The following ITIH5 variants were observed in gnomAD, a reference collection of about 807,000 sequenced individuals.
ITIH5 encodes the protein inter-alpha-trypsin inhibitor heavy chain H5.
A neutral mutation model predicts 77.5 loss-of-function variants in ITIH5; 65 were observed. The ratio of observed to expected loss-of-function variants is 0.84; its 90% CI spans 0.69 to 1.03. The LOEUF (loss-of-function observed/expected upper bound fraction) is 1.03, where lower values mean the gene tolerates loss of function less well. Ranked by LOEUF, ITIH5 falls within the 50% of genes least tolerant of loss-of-function variation. ITIH5 has a pLI of 0.00. For synonymous variants in ITIH5, 525 were observed against 494.3 expected (o/e 1.06, Z -0.82); for missense variants, 1,208 against 1,213.1 (o/e 1.00, Z 0.06).
At chr10:7,603,271 T>A (rs1833052219) in intron 7 of ITIH5, among the ~76,000 whole-genome samples, 1 of 152,194 alleles carries the variant, frequency 6.6e-6, no homozygotes, top group Non-Finnish European at 1.5e-5. Context: ...GGAGGTATCA[T>A]GCTACCTGAA....
chr10:7,616,020 C>A lies in ITIH5; in HGVS notation c.901G>T (p.Asp301Tyr). The A allele has an allele frequency of 6.2e-7, 1 of 1,613,396 alleles. No individual in the cohort carries two copies. Among genetic ancestry groups the A allele is most frequent in the South Asian group, 1.1e-5 (1 of 91,014 alleles). ...GTTCCCACCATAGAAGCACTGCTGT[C>A]AAGCACGAATACCACATTCTTGGGT... Reference protein sequence around the residue: ...PLPKNVVFVLDSSASMVGTKL... With the variant: ...PLPKNVVFVLYSSASMVGTKL... The change falls in exon 7 of 14, where the codon GAC becomes TAC. Residue 301 changes from aspartate (D) to tyrosine (Y), a missense_variant. Transcript: ENST00000397146.
At chr10:7,597,044 CAAAAAAAA>C (rs71383924) in intron 7 of ITIH5, among the ~76,000 whole-genome samples, 1 of 36,920 alleles carries the variant, frequency 2.7e-5, no homozygotes. Context: ...GTCTCCAACT[CAAAAAAAA>C]AAAAAAAAAA....
At chr10:7,584,658 C>T (rs1181005585) in intron 8 of ITIH5, among the ~76,000 whole-genome samples, 1 of 152,166 alleles carries the variant, frequency 6.6e-6, no homozygotes, top group South Asian at 2.1e-4. Context: ...CACCAGCACA[C>T]ACACATCATT....
In ITIH5 at chr10:7,566,142, G is replaced by C; in HGVS notation, c.2415C>G (p.Ala805=). The change falls in exon 13 of 14, where the codon GCC becomes GCG. Residue 805 remains alanine, a synonymous_variant. Coordinates refer to ENST00000397146, the MANE Select transcript of ITIH5 (RefSeq NM_030569.7). ...NVTVTIQGSI[A]FVILIHLYKK... ...TGTAGAGGTGGATGAGGATGACAAA[G>C]GCTATGGAGCCCTGGATGGTGACGG... is the stretch of plus-strand genomic sequence containing the variant. 1 of 1,614,120 alleles carries C rather than the reference G, an allele frequency of 6.2e-7. No homozygotes were observed. The highest frequency in any genetic ancestry group is 8.5e-7 in the Non-Finnish European group (1 of 1,180,026).
intron 1 of ITIH5, among the ~76,000 whole-genome samples, chr10:7,659,378 C>A (rs142002739): frequency 0.012 from 1,695 of 146,244 alleles, 32 homozygotes; most frequent in African/African-American, 0.041. Flanking sequence ...GAGTCCATTT[C>A]AAAAAAAAAT....
At chr10:7,637,888 C>T (rs1231578414) in intron 4 of ITIH5, among the ~76,000 whole-genome samples, 1 of 152,142 alleles carries the variant, frequency 6.6e-6, no homozygotes, top group Non-Finnish European at 1.5e-5. Context: ...AGCTAACATA[C>T]TAGGTTTTCA....
At chr10:7,625,970 AGCT>A (rs1448177453) in intron 5 of ITIH5, among the ~76,000 whole-genome samples, 1 of 152,236 alleles carries the variant, frequency 6.6e-6, no homozygotes, top group East Asian at 1.9e-4. Context: ...GTTCACGTCC[AGCT>A]TGCGGAACAC....
chr10:7,664,140 C>T (rs1361209169), intron 1 of ITIH5, among the ~76,000 whole-genome samples: 1 of 152,290 alleles, frequency 6.6e-6, no homozygotes, highest in Admixed American at 6.5e-5. Context: ...TGGCTTATGC[C>T]TGTAATCCCA....
At chr10:7,634,583 C>T (rs891755243) in intron 5 of ITIH5, among the ~76,000 whole-genome samples, 2 of 152,288 alleles carry the variant, frequency 1.3e-5, no homozygotes, top group African/African-American at 4.8e-5. Flanking sequence ...CTAACAGGCC[C>T]CGAATATAAA....
intron 2 of ITIH5, among the ~76,000 whole-genome samples, chr10:7,649,508 AGATAGATAGATG>A (rs57113947): frequency 0.12 from 18,567 of 152,064 alleles, 1,283 homozygotes; most frequent in East Asian, 0.29. Context: ...ATAGATGGAT[AGATAGATAGATG>A]GATAGATAGA....
In ITIH5 at chr10:7,579,775, G is replaced by A. The variant is rs36064186; in HGVS notation, c.1398C>T (p.Asp466=). 3.3e-4 allele frequency: 537 copies of A among 1,613,764 alleles called. 1 individual carries two copies. In the African/African-American group the frequency reaches 6.1e-3, roughly 18 times the overall value. ...GLTRRVHEEE[D]AGSQLIGFYD... ...CAGACCCGATGAGCTGCGAGCCTGC[G>A]TCCTCCTCCTCGTGCACGCGCCGTG... The change falls in exon 9 of 14, where the codon GAC becomes GAT. Residue 466 remains aspartate (D), a synonymous_variant. Coordinates refer to ENST00000397146, the MANE Select transcript of ITIH5 (RefSeq NM_030569.7).
chr10:7,626,472 T>C (rs1030586716), intron 5 of ITIH5, among the ~76,000 whole-genome samples: 4 of 152,188 alleles, frequency 2.6e-5, no homozygotes, highest in African/African-American at 9.7e-5. Context: ...CTGGAAACCT[T>C]CACATAACAA....
chr10:7,614,847 C>T (rs1472241318), intron 7 of ITIH5, among the ~76,000 whole-genome samples: 1 of 152,070 alleles, frequency 6.6e-6, no homozygotes, highest in Non-Finnish European at 1.5e-5. Context: ...GGTTCAACTG[C>T]GTGTGAGGCA....
intron 7 of ITIH5, among the ~76,000 whole-genome samples, chr10:7,608,340 C>T (rs367758460): frequency 6.6e-6 from 1 of 152,156 alleles, no homozygotes; most frequent in South Asian, 2.1e-4. Context: ...AGTGCAATGG[C>T]GCCATCATAG....
intron 5 of ITIH5, among the ~76,000 whole-genome samples, chr10:7,631,821 C>G: frequency 6.7e-6 from 1 of 148,470 alleles, no homozygotes; most frequent in African/African-American, 2.6e-5. Flanking sequence ...AAATCTGACT[C>G]TGTCACCCAG....
chr10:7,624,812 T>C (rs199772257), intron 5 of ITIH5, among the ~76,000 whole-genome samples: 14 of 110,628 alleles, frequency 1.3e-4, no homozygotes, highest in Middle Eastern at 4.5e-3. Context: ...TATATATATA[T>C]ACACATATAT....
At chr10:7,633,895 C>T (rs1389294704) in intron 5 of ITIH5, among the ~76,000 whole-genome samples, 2 of 151,902 alleles carry the variant, frequency 1.3e-5, no homozygotes, top group African/African-American at 2.4e-5. Flanking sequence ...CGAGACCATC[C>T]TGGCTAACAC....
rs181546555 is a variant in ITIH5, at chr10:7,625,430, T to C, written c.653-8148A>G. On this transcript the variant is annotated intron_variant, in intron 5 of 13. Transcript: ENST00000397146. The stretch of plus-strand genomic sequence containing the variant: ...ATGGAAAAGTTCAGGAGATTGGTAA[T>C]ACACCAATGTGAATAGACTTAACAC... 6.0e-3 allele frequency among the ~76,000 whole-genome samples: 920 copies of C among 152,162 alleles called. 4 individuals are homozygous for C. The highest frequency in any genetic ancestry group is 7.1e-3 in the Non-Finnish European group (485 of 68,000).
intron 2 of ITIH5, among the ~76,000 whole-genome samples, chr10:7,646,532 A>C (rs1834012425): frequency 6.6e-6 from 1 of 152,090 alleles, no homozygotes; most frequent in African/African-American, 2.4e-5. Context: ...TCACTCTAAA[A>C]CTCAGTGGTT....
Sources: gnomAD v4.1 joint callset for allele counts (sites outside exome capture counted in the v4.1 genomes callset) on GRCh38, gnomAD v4.1.1 for gene constraint, MANE v1.5 for transcripts, NCBI Gene and HGNC (gene_info 2026-07-23, HGNC 2026-07-21) for gene names.